Variants in MBTD1 observed in about 807,000 individuals in gnomAD.
MBTD1 encodes mbt domain containing 1.
Under a neutral mutation model 87.8 loss-of-function variants are expected in MBTD1, and 24 were observed. The observed-to-expected ratio is 0.27, with a 90% confidence interval of 0.20 to 0.38. The LOEUF is 0.38. Ranked by LOEUF, MBTD1 falls within the 10% of genes least tolerant of loss-of-function variation. The pLI, the probability that MBTD1 is intolerant of heterozygous loss-of-function variation, is 1.00. For missense variants in MBTD1, 436 were observed against 760.2 expected, an observed-to-expected ratio of 0.57 and a Z score of 5.02; for synonymous variants, 237 against 248.6, an observed-to-expected ratio of 0.95 and a Z score of 0.44.
chr17:51,213,149 C>T lies in MBTD1; in HGVS notation c.486+4185G>A, dbSNP rs200148218. ...GACCTCCTGGGCTCAAGCAATTCTT[C>T]CCCTTCAGCCTCCTGAGTAGCTGGG... On this transcript the variant is annotated intron_variant, in intron 6 of 16. Transcript: ENST00000586178. Among the ~76,000 whole-genome samples the T allele has an allele frequency of 1.2e-4, 19 of 152,292 alleles. No individual in the cohort carries two copies. In the East Asian group the frequency reaches 2.9e-3, roughly 23 times the overall value.
chr17:51,189,509 C>T (rs139998993), intron 16 of MBTD1, among the ~76,000 whole-genome samples: 173 of 152,308 alleles, frequency 1.1e-3, no homozygotes, highest in African/African-American at 4.1e-3. Flanking sequence ...TTACATATTT[C>T]TTTCCATGTT....
chr17:51,247,923 T>C (rs1480746302), intron 2 of MBTD1, among the ~76,000 whole-genome samples: 1 of 152,230 alleles, frequency 6.6e-6, no homozygotes, highest in Non-Finnish European at 1.5e-5. Flanking sequence ...CTTATTTTCT[T>C]TTAATCTCTA....
chr17:51,188,027 T>C (rs932445623), intron 16 of MBTD1, among the ~76,000 whole-genome samples: 1 of 152,112 alleles, frequency 6.6e-6, no homozygotes, highest in Non-Finnish European at 1.5e-5. Context: ...CTATGTAAAA[T>C]GATGTGGGAT....
At chr17:51,196,786 G>A (rs2051132720) in intron 12 of MBTD1, among the ~76,000 whole-genome samples, 2 of 151,706 alleles carry the variant, frequency 1.3e-5, no homozygotes, top group Non-Finnish European at 2.9e-5. Context: ...AGCTACTTAG[G>A]AGGCTGAGGC....
At chr17:51,216,789 G>T (rs1270077280) in intron 6 of MBTD1, among the ~76,000 whole-genome samples, 1 of 152,128 alleles carries the variant, frequency 6.6e-6, no homozygotes, top group East Asian at 1.9e-4. Flanking sequence ...TCACTCTGTA[G>T]CCCAGGATGG....
At chr17:51,259,789 TC>T (rs972541601) in intron 1 of MBTD1, 45 bp downstream of exon 1, 12 of 1,230,860 alleles carry the variant, frequency 9.7e-6, no homozygotes, top group East Asian at 3.2e-5. Context: ...GCTGCAGGCG[TC>T]CCCCCCACCT....
At chr17:51,227,553 C>T (rs1206323489) in intron 2 of MBTD1, among the ~76,000 whole-genome samples, 4 of 151,722 alleles carry the variant, frequency 2.6e-5, no homozygotes, top group Non-Finnish European at 4.4e-5. Context: ...TGAGTGAGAC[C>T]CTGTCTCAAA....
chr17:51,188,132 A>G, intron 16 of MBTD1, among the ~76,000 whole-genome samples: 1 of 152,166 alleles, frequency 6.6e-6, no homozygotes, highest in East Asian at 1.9e-4. Context: ...CCACATACTC[A>G]CAGATAAAAA....
At chr17:51,194,728 A>G (rs1016071182) in intron 13 of MBTD1, among the ~76,000 whole-genome samples, 7 of 105,358 alleles carry the variant, frequency 6.6e-5, no homozygotes, top group Non-Finnish European at 9.0e-5. Context: ...ACATACAAAG[A>G]AAAAAAAAAA....
rs1029368338 is a variant in MBTD1, at chr17:51,259,180, G to A, written c.-86C>T. 1.0e-5 allele frequency: 11 copies of A among 1,052,138 alleles called. No homozygotes were observed. The highest frequency in any genetic ancestry group is 3.2e-5 in the East Asian group (1 of 30,870). The allele number at this position is 1,052,138 out of a possible 1,614,324, so 65.2% of individuals were successfully genotyped here. A position where few individuals can be genotyped will look rare whatever the true frequency, so the allele number is the denominator to read the frequency against. ...AGGCTGCAGAGGGGACGGCTGCTTT[G>A]GATGACCTCTAATGTCTCTTCCGAC... On this transcript the variant is annotated 5_prime_UTR_variant, in exon 2 of 17. Coordinates refer to ENST00000586178, the MANE Select transcript of MBTD1 (RefSeq NM_017643.3).
At chr17:51,210,556 G>GAGCA (rs925971642) in intron 6 of MBTD1, among the ~76,000 whole-genome samples, 3 of 151,858 alleles carry the variant, frequency 2.0e-5, no homozygotes, top group Non-Finnish European at 4.4e-5. Context: ...AGGAGTTCAA[G>GAGCA]AGCAGCCTGG....
intron 10 of MBTD1, 50 bp downstream of exon 10, chr17:51,202,651 A>G: frequency 7.4e-7 from 1 of 1,345,534 alleles, no homozygotes. Context: ...CAACTAGTAT[A>G]ATCAGCCTCA....
At chr17:51,211,640 T>G (rs1006524299) in intron 6 of MBTD1, among the ~76,000 whole-genome samples, 1 of 152,128 alleles carries the variant, frequency 6.6e-6, no homozygotes, top group Non-Finnish European at 1.5e-5. Flanking sequence ...CAGAAACTAA[T>G]TTAAGTTTTA....
At chr17:51,211,598 C>G (rs539786630) in intron 6 of MBTD1, among the ~76,000 whole-genome samples, 1 of 151,468 alleles carries the variant, frequency 6.6e-6, no homozygotes, top group African/African-American at 2.4e-5. Flanking sequence ...AACACTCAGA[C>G]TAGCTAACTG....
Position 51,179,760 on chromosome 17 carries a change from C to T in MBTD1, c.*816G>A, listed in dbSNP as rs980003107. 34 of 151,388 alleles carry T rather than the reference C, an allele frequency of 2.2e-4. 1 individual carries two copies. The highest frequency in any genetic ancestry group is 1.5e-4 in the African/African-American group (6 of 41,240). The allele number at this position is 151,388 out of a possible 1,614,324, so 9.4% of individuals were successfully genotyped here. On this transcript the variant is annotated 3_prime_UTR_variant, in exon 17 of 17. Transcript: ENST00000586178. ...GCAGAGAACTGATCAGAATCCCTTTCGTGGGGTATTTTTTTTAGAAAGGAA... is the reference window on the plus strand; with the variant it reads ...GCAGAGAACTGATCAGAATCCCTTTTGTGGGGTATTTTTTTTAGAAAGGAA...
At chr17:51,216,184 G>A (rs965769405) in intron 6 of MBTD1, among the ~76,000 whole-genome samples, 1 of 151,964 alleles carries the variant, frequency 6.6e-6, no homozygotes, top group Non-Finnish European at 1.5e-5. Context: ...TGCCTGCTTC[G>A]GCCTCCCAAA....
intron 16 of MBTD1, among the ~76,000 whole-genome samples, chr17:51,182,120 T>G (rs2050339033): frequency 7.4e-6 from 1 of 134,418 alleles, no homozygotes; most frequent in Non-Finnish European, 1.6e-5. Context: ...GCCTGGGCCC[T>G]GTGCATTTTT....
At chr17:51,255,272 C>T (rs1160514747) in intron 2 of MBTD1, among the ~76,000 whole-genome samples, 1 of 151,558 alleles carries the variant, frequency 6.6e-6, no homozygotes, top group Non-Finnish European at 1.5e-5. Flanking sequence ...CAGAGCAAGA[C>T]TCCATCTCAA....
In MBTD1 at chr17:51,179,482, TTTTATATA is replaced by T. The variant is rs1403264041; in HGVS notation, c.*1086_*1093del. ...AAATCCTGAATACAATTAAAGACAA[TTTTATATA>T]TATATATATATATATATATATATAT... On this transcript the variant is annotated 3_prime_UTR_variant, in exon 17 of 17. Transcript: ENST00000586178. 0.013 allele frequency: 410 copies of T among 31,598 alleles called. 45 individuals are homozygous for T. The highest frequency in any genetic ancestry group is 0.031 in the African/African-American group (174 of 5,692). 2.0% of individuals were successfully genotyped at this position (31,598 alleles called of 1,614,324 possible). A position where few individuals can be genotyped will look rare whatever the true frequency, so the allele number is the denominator to read the frequency against.
Sources: allele counts gnomAD v4.1 joint callset (sites outside exome capture counted in the v4.1 genomes callset), GRCh38; gene constraint gnomAD v4.1.1; transcripts MANE v1.5; gene names NCBI Gene and HGNC (gene_info 2026-07-23, HGNC 2026-07-21).